The following TRPM3 variants were observed in gnomAD, a reference collection of about 807,000 sequenced individuals.
TRPM3 encodes the protein long transient receptor potential channel 3.
TRPM3 carries 77 observed loss-of-function variants against 181.2 expected under a neutral mutation model. The observed-to-expected ratio is 0.42, with a 90% CI of 0.35 to 0.51. The LOEUF (loss-of-function observed/expected upper bound fraction) is 0.51, where lower values mean the gene tolerates loss of function less well. Ranked by LOEUF, TRPM3 falls within the 20% of genes least tolerant of loss-of-function variation. TRPM3 has a pLI of 0.01. For missense variants in TRPM3, 1,759 were observed against 2,196.7 expected (o/e 0.80, Z 3.98); for synonymous variants, 745 against 796.4 (o/e 0.94, Z 1.09).
chr9:71,084,274 C>T (rs546299083), intron 1 of TRPM3, among the ~76,000 whole-genome samples: 46 of 152,084 alleles, frequency 3.0e-4, no homozygotes, highest in African/African-American at 1.1e-3. Context: ...AAAATAAAAA[C>T]TGCTCTAAGA....
At chr9:71,200,146 G>C (rs2078680491) in intron 1 of TRPM3, among the ~76,000 whole-genome samples, 1 of 152,128 alleles carries the variant, frequency 6.6e-6, no homozygotes, top group South Asian at 2.1e-4. Flanking sequence ...TAGTCATTCA[G>C]GAGGAGGTTG....
rs1339579521 is a variant in TRPM3 at position 71,121,235 on chromosome 9, G to GTC, written c.119_120insGA (p.Asn40LysfsTer20). The GTC allele has an allele frequency of 6.2e-7, 1 of 1,614,160 alleles. No homozygotes were observed. Among genetic ancestry groups the GTC allele is most frequent in the Non-Finnish European group, 8.5e-7 (1 of 1,180,004 alleles). On this transcript the variant is annotated frameshift_variant, in exon 1 of 26. Transcript: ENST00000677713. LOFTEE classifies it high-confidence loss of function. ...CGTGGCACAGCTTCCGGATGGTCCA[G>GTC]TTTAGGGGTCGAGGAGCATCAGCCT... is the stretch of plus-strand genomic sequence containing the variant.
At chr9:70,988,990 AC>A (rs959448299) in intron 1 of TRPM3, among the ~76,000 whole-genome samples, 107 of 152,302 alleles carry the variant, frequency 7.0e-4, no homozygotes, top group African/African-American at 2.5e-3. Flanking sequence ...TGAGGATGCA[AC>A]TGGCTGACTT....
intron 1 of TRPM3, among the ~76,000 whole-genome samples, chr9:71,221,846 T>C (rs2080259894): frequency 6.6e-6 from 1 of 152,124 alleles, no homozygotes; most frequent in Admixed American, 6.6e-5. Context: ...AGAACATACT[T>C]GAGGGAGGTG....
intron 1 of TRPM3, among the ~76,000 whole-genome samples, chr9:71,020,248 C>G (rs1038029350): frequency 5.9e-5 from 9 of 151,958 alleles, no homozygotes; most frequent in Non-Finnish European, 1.2e-4. Context: ...GGGAGGATCA[C>G]TTGAGCCCAG....
chr9:71,243,290 C>A (rs927502292), intron 1 of TRPM3, among the ~76,000 whole-genome samples: 4 of 152,204 alleles, frequency 2.6e-5, no homozygotes, highest in Non-Finnish European at 5.9e-5. Flanking sequence ...TCTCAAAGTG[C>A]TGGGATTACA....
chr9:70,558,153 A>G lies in TRPM3; in HGVS notation c.3224-4843T>C, dbSNP rs142974571. On this transcript the variant is annotated intron_variant, in intron 22 of 25. Transcript: ENST00000677713. ...ATAAAAGAGAAGTTCTCTTTTCACA[A>G]TACAACGTAAGGCTACCAAGTAGAG... 3.8e-3 allele frequency among the ~76,000 whole-genome samples: 577 copies of G among 152,266 alleles called. 1 individual carries two copies. Among genetic ancestry groups the G allele is most frequent in the Non-Finnish European group, 5.0e-3 (338 of 68,018 alleles).
chr9:70,930,217 C>G (rs118003333), intron 1 of TRPM3, among the ~76,000 whole-genome samples: 3,206 of 152,218 alleles, frequency 0.021, 48 homozygotes, highest in Non-Finnish European at 0.03. Flanking sequence ...GAAATATAGT[C>G]ATATTTGTAA....
chr9:71,280,519 A>C (rs1213005608), intron 1 of TRPM3, among the ~76,000 whole-genome samples: 1 of 148,476 alleles, frequency 6.7e-6, no homozygotes, highest in Non-Finnish European at 1.5e-5. Context: ...CTCAGAAAAA[A>C]AAAGAAAAGA....
chr9:70,906,361 T>C (rs946216778), intron 1 of TRPM3, among the ~76,000 whole-genome samples: 2 of 152,196 alleles, frequency 1.3e-5, no homozygotes, highest in Non-Finnish European at 2.9e-5. Context: ...GCCTCGAATA[T>C]GAGCCAACTG....
rs2092259681 is a variant in TRPM3, at chr9:71,364,242, A to G, written c.183+82411T>C. Among the ~76,000 whole-genome samples, 3 of 152,220 alleles carry G rather than the reference A, an allele frequency of 2.0e-5. 1 individual carries two copies. The South Asian group carries it at 6.2e-4, about 31-fold the overall frequency. Reference sequence around the variant, plus strand: ...CACTGTTATTCTCGGGGAAGCCTTAATATTTTTATTCGCCACTGTTAGGAT... The same window carrying G: ...CACTGTTATTCTCGGGGAAGCCTTAGTATTTTTATTCGCCACTGTTAGGAT... On this transcript the variant is annotated intron_variant, in intron 1 of 24. Transcript: ENST00000357533.
At chr9:70,754,803 G>C (rs1460674390) in intron 8 of TRPM3, among the ~76,000 whole-genome samples, 1 of 152,170 alleles carries the variant, frequency 6.6e-6, no homozygotes, top group Non-Finnish European at 1.5e-5. Context: ...GAAACTCTAT[G>C]ACGATGCAAT....
chr9:71,043,475 G>A (rs1242995984), intron 1 of TRPM3, among the ~76,000 whole-genome samples: 2 of 152,106 alleles, frequency 1.3e-5, no homozygotes, highest in Admixed American at 1.3e-4. Context: ...CTACAGTTCT[G>A]GGTACAATAG....
chr9:70,764,429 T>G (rs1162440027), intron 7 of TRPM3, among the ~76,000 whole-genome samples: 1 of 152,206 alleles, frequency 6.6e-6, no homozygotes, highest in Non-Finnish European at 1.5e-5. Context: ...ACCAACCATC[T>G]GTAATGAAAT....
At chr9:70,996,098 G>A (rs2097539061) in intron 1 of TRPM3, among the ~76,000 whole-genome samples, 1 of 152,092 alleles carries the variant, frequency 6.6e-6, no homozygotes, top group African/African-American at 2.4e-5. Context: ...ACACATTGAA[G>A]GTACTATGTG....
At chr9:70,972,940 C>G in intron 1 of TRPM3, among the ~76,000 whole-genome samples, 1 of 152,168 alleles carries the variant, frequency 6.6e-6, no homozygotes, top group Non-Finnish European at 1.5e-5. Flanking sequence ...GAATCTAACC[C>G]CTACATAAGA....
At chr9:70,912,442 A>G (rs1023926591) in intron 1 of TRPM3, among the ~76,000 whole-genome samples, 1 of 152,246 alleles carries the variant, frequency 6.6e-6, no homozygotes, top group African/African-American at 2.4e-5. Flanking sequence ...TGATGTTCTG[A>G]GTAGCTGCCT....
chr9:71,134,335 G>C (rs921352685), intron 1 of TRPM3, among the ~76,000 whole-genome samples: 11 of 151,732 alleles, frequency 7.2e-5, no homozygotes, highest in Admixed American at 2.0e-4. Flanking sequence ...GAGGCCAAGG[G>C]GGGAGGATCA....
At chr9:70,834,060 T>A (rs1286863888) in intron 5 of TRPM3, among the ~76,000 whole-genome samples, 3 of 152,180 alleles carry the variant, frequency 2.0e-5, no homozygotes, top group Non-Finnish European at 4.4e-5. Flanking sequence ...ACTGGCTAGT[T>A]ACTTCCCACT....
Sources: gnomAD v4.1 joint callset for allele counts (sites outside exome capture counted in the v4.1 genomes callset) on GRCh38, gnomAD v4.1.1 for gene constraint, MANE v1.5 for transcripts, NCBI Gene and HGNC (gene_info 2026-07-23, HGNC 2026-07-21) for gene names.